The following LRBA variants were observed in gnomAD, a reference collection of about 807,000 sequenced individuals.
The protein encoded by LRBA is lipopolysaccharide-responsive and beige-like anchor protein.
In LRBA, 176 loss-of-function variants were observed where a neutral mutation model predicts 330.0. That is an observed-to-expected ratio of 0.53 (90% CI 0.47 to 0.60). The LOEUF is 0.60. Among genes scored for constraint, LRBA ranks in the 20% least tolerant of loss-of-function variants. LRBA has a pLI of 0.00. For synonymous variants in LRBA, 1,230 were observed against 1,193.0 expected (o/e 1.03, Z -0.64); for missense variants, 3,259 against 3,444.8 (o/e 0.95, Z 1.35).
At chr4:150,946,622 G>T (rs1457788177) in intron 2 of LRBA, among the ~76,000 whole-genome samples, 2 of 151,834 alleles carry the variant, frequency 1.3e-5, no homozygotes, top group Admixed American at 1.3e-4. Flanking sequence ...TACCTGAGAG[G>T]GAAATTTGTA....
chr4:150,796,176 A>G (rs1281737507), intron 34 of LRBA, among the ~76,000 whole-genome samples: 1 of 151,852 alleles, frequency 6.6e-6, no homozygotes, highest in African/African-American at 2.4e-5. Context: ...AGCCATCCCC[A>G]CCCAGGATCT....
chr4:150,274,298 C>T (rs930007971), intron 56 of LRBA, among the ~76,000 whole-genome samples: 5 of 152,158 alleles, frequency 3.3e-5, no homozygotes, highest in African/African-American at 7.2e-5. Context: ...CTCTGGGACA[C>T]ATTTAAAATA....
chr4:150,693,710 T>C (rs1453983382), intron 36 of LRBA, among the ~76,000 whole-genome samples: 1 of 152,234 alleles, frequency 6.6e-6, no homozygotes, highest in East Asian at 1.9e-4. Flanking sequence ...GGGGTTGTGA[T>C]TGGAAGGCTA....
At chr4:150,702,007 T>C (rs1330110210) in intron 36 of LRBA, among the ~76,000 whole-genome samples, 1 of 152,082 alleles carries the variant, frequency 6.6e-6, no homozygotes, top group African/African-American at 2.4e-5. Context: ...GGTGGCCAAC[T>C]AGAAACAGAA....
intron 36 of LRBA, among the ~76,000 whole-genome samples, chr4:150,691,536 G>A (rs1784137469): frequency 6.6e-6 from 1 of 152,128 alleles, no homozygotes; most frequent in South Asian, 2.1e-4. Flanking sequence ...ATTTAAAAGA[G>A]CTACAATACC....
chr4:150,918,587 A>G (rs774282642), intron 5 of LRBA, among the ~76,000 whole-genome samples: 4 of 152,022 alleles, frequency 2.6e-5, no homozygotes, highest in African/African-American at 4.8e-5. Context: ...TGTCTCTACT[A>G]AAAAATACAA....
chr4:150,809,310 A>G (rs1182487771), intron 31 of LRBA, among the ~76,000 whole-genome samples: 1 of 152,208 alleles, frequency 6.6e-6, no homozygotes, highest in African/African-American at 2.4e-5. Flanking sequence ...CTTGGTGTCC[A>G]GATCTTGGTT....
At chr4:150,884,585 A>G (rs2127062815) in intron 17 of LRBA, among the ~76,000 whole-genome samples, 1 of 152,306 alleles carries the variant, frequency 6.6e-6, no homozygotes, top group Admixed American at 6.5e-5. Flanking sequence ...AAACCCTAAG[A>G]GTGCTATGGA....
intron 34 of LRBA, among the ~76,000 whole-genome samples, chr4:150,767,634 T>C (rs978713311): frequency 6.6e-6 from 1 of 150,622 alleles, no homozygotes; most frequent in Non-Finnish European, 1.5e-5. Context: ...GGCGGGTGCC[T>C]GTAGTCCCGG....
intron 40 of LRBA, among the ~76,000 whole-genome samples, chr4:150,573,699 T>C (rs1770170009): frequency 6.6e-6 from 1 of 152,218 alleles, no homozygotes; most frequent in South Asian, 2.1e-4. Context: ...GCTACTCTGA[T>C]ATAGCATCTT....
intron 2 of LRBA, among the ~76,000 whole-genome samples, chr4:150,993,960 T>C (rs910869121): frequency 6.7e-6 from 1 of 150,374 alleles, no homozygotes; most frequent in African/African-American, 2.5e-5. Flanking sequence ...AGATACTCAG[T>C]AGGCTAAGGC....
chr4:150,716,510 T>C (rs1397850863), intron 36 of LRBA, among the ~76,000 whole-genome samples: 1 of 152,212 alleles, frequency 6.6e-6, no homozygotes, highest in Non-Finnish European at 1.5e-5. Context: ...CCAACGAAGA[T>C]AAACAGATGT....
chr4:151,009,454 CAGG>C, intron 2 of LRBA, among the ~76,000 whole-genome samples: 1 of 150,242 alleles, frequency 6.7e-6, no homozygotes, highest in South Asian at 2.1e-4. Context: ...GAGGCTGAGG[CAGG>C]AGAATTGCTT....
In LRBA at chr4:150,458,177, C is replaced by T. The variant is rs78499257; in HGVS notation, c.6780+9496G>A. Among the ~76,000 whole-genome samples the T allele has an allele frequency of 5.0e-3, 761 of 152,024 alleles. 3 individuals carry two copies. The highest frequency in any genetic ancestry group is 7.3e-3 in the Non-Finnish European group (494 of 67,874). On this transcript the variant is annotated intron_variant, in intron 44 of 56. Coordinates refer to ENST00000651943, the MANE Select transcript of LRBA (RefSeq NM_001364905.1). ...TCTACAGAAAACCAAATCTGCTATA[C>T]AGAGTACTAATGCTTAAAAGATGTA...
At chr4:150,543,293 G>A (rs1765513692) in intron 40 of LRBA, among the ~76,000 whole-genome samples, 1 of 151,988 alleles carries the variant, frequency 6.6e-6, no homozygotes, top group Admixed American at 6.6e-5. Context: ...CTTGCACTAG[G>A]GAATACATCC....
intron 40 of LRBA, among the ~76,000 whole-genome samples, chr4:150,495,770 T>A (rs530630402): frequency 1.3e-5 from 2 of 152,294 alleles, no homozygotes; most frequent in East Asian, 3.9e-4. Context: ...ACTGAAACTC[T>A]ACATACACTG....
At chr4:150,292,166 C>T (rs1728394427) in intron 53 of LRBA, among the ~76,000 whole-genome samples, 1 of 152,144 alleles carries the variant, frequency 6.6e-6, no homozygotes, top group South Asian at 2.1e-4. Flanking sequence ...TAAAATTACA[C>T]CTGAAAGAAG....
In LRBA at chr4:150,836,359, T is replaced by C. The variant is rs1231893228; in HGVS notation, c.4570-4383A>G. Among the ~76,000 whole-genome samples the C allele has an allele frequency of 2.0e-5, 3 of 152,336 alleles. No homozygotes were observed. The East Asian group carries it at 5.8e-4, about 29-fold the overall frequency. ...TTCCCTCTTTTTCTATTGATTGGAATAGTTTCAGAAGGAATGGTACCAGCT... is the reference window on the plus strand; with the variant it reads ...TTCCCTCTTTTTCTATTGATTGGAACAGTTTCAGAAGGAATGGTACCAGCT... On this transcript the variant is annotated intron_variant, in intron 28 of 56. Transcript: ENST00000651943.
chr4:150,852,991 A>C (rs1238326881), intron 22 of LRBA, 48 bp from the exon 23 acceptor site: 1 of 1,088,806 alleles, frequency 9.2e-7, no homozygotes, highest in African/African-American at 1.6e-5. Flanking sequence ...AGAAATGAAG[A>C]CAGAATACAA....
Sources: gnomAD v4.1 joint callset for allele counts (sites outside exome capture counted in the v4.1 genomes callset) on GRCh38, gnomAD v4.1.1 for gene constraint, MANE v1.5 for transcripts, NCBI Gene and HGNC (gene_info 2026-07-23, HGNC 2026-07-21) for gene names.